The following LMAN1L variants were observed in gnomAD, a reference collection of about 807,000 sequenced individuals.
LMAN1L encodes lectin, mannose binding 1 like.
LMAN1L carries 60 observed loss-of-function variants against 58.3 expected under a neutral mutation model. That is an observed-to-expected ratio of 1.03 (90% CI 0.84 to 1.27). LMAN1L has a LOEUF of 1.27. Ranked by LOEUF, LMAN1L falls within the 50% of genes most tolerant of loss-of-function variation. The pLI, the probability that LMAN1L is intolerant of heterozygous loss-of-function variation, is 0.00. For synonymous variants in LMAN1L, 280 were observed against 271.6 expected (o/e 1.03, Z -0.31); for missense variants, 629 against 674.0 (o/e 0.93, Z 0.74).
intron 6 of LMAN1L, 162 bp downstream of exon 6, chr15:74,819,434 T>C (rs532731507): frequency 4.6e-6 from 4 of 878,476 alleles, no homozygotes; most frequent in Admixed American, 2.6e-5. Context: ...GACTTGCAAG[T>C]CTCAAATGGG....
At chr15:74,822,808 A>T (rs2063923349) in intron 11 of LMAN1L, 99 bp downstream of exon 11, 2 of 861,108 alleles carry the variant, frequency 2.3e-6, no homozygotes, top group East Asian at 5.1e-5. Flanking sequence ...AGCGCCCAGC[A>T]CACAGCCTGT....
intron 4 of LMAN1L, 141 bp downstream of exon 4, chr15:74,816,831 T>G: frequency 1.3e-6 from 1 of 778,620 alleles, no homozygotes; most frequent in South Asian, 1.9e-5. Context: ...ACTCTCTCAC[T>G]TAGCCGACGT....
Position 74,819,193 on chromosome 15 carries a change from G to C in LMAN1L, c.639G>C (p.Glu213Asp). The C allele has an allele frequency of 1.2e-6, 2 of 1,614,174 alleles. No individual in the cohort carries two copies. The highest frequency in any genetic ancestry group is 4.5e-5 in the East Asian group (2 of 44,880). ...GCCTCACTCCCAGTGATCCAGGTGA[G>C]TTCTGTGTGGATGTGGGGCCCCTGC... ...NSGLTPSDPG[E>D]FCVDVGPLLL... Residue 213 changes from glutamate to aspartate, a missense_variant, in exon 6 of 14, where the codon GAG becomes GAC. This residue lies in a region of LMAN1L where 573 missense variants were observed against 597.3 expected (regional missense o/e 0.96). Transcript: ENST00000309664.
At chr15:74,824,329 AC>A in intron 12 of LMAN1L, 21 bp from the exon 13 acceptor site, 1 of 1,612,588 alleles carries the variant, frequency 6.2e-7, no homozygotes, top group Non-Finnish European at 8.5e-7. Context: ...CTAAGCTAGG[AC>A]CTTAGACTTT....
intron 12 of LMAN1L, chr15:74,823,932 G>A (rs952642240): frequency 5.5e-6 from 3 of 550,394 alleles, no homozygotes; most frequent in South Asian, 4.5e-5. Flanking sequence ...GCAGGGCCCT[G>A]GACACCCCTC....
intron 12 of LMAN1L, 83 bp downstream of exon 12, chr15:74,823,765 C>T: frequency 2.0e-6 from 3 of 1,520,470 alleles, no homozygotes; most frequent in Non-Finnish European, 2.7e-6. Flanking sequence ...CTTCAGCAGC[C>T]CCAAGCCCTC....
At chr15:74,816,840 G>A (rs2063893818) in intron 4 of LMAN1L, 150 bp downstream of exon 4, 4 of 739,188 alleles carry the variant, frequency 5.4e-6, no homozygotes, top group Non-Finnish European at 8.6e-6. Context: ...CTTAGCCGAC[G>A]TCCGCCCCCC....
At position 74,821,908 on chromosome 15, in the gene LMAN1L, C is replaced by T; in HGVS notation, c.1131+8C>T. ...TCCATGTCACTCAATAAGGTAGGGA[C>T]CCAAACACTGGGTGTTGACCAGCAC... On this transcript the variant is annotated splice_region_variant and intron_variant, in intron 10 of 13. Transcript: ENST00000309664. 3.1e-6 allele frequency: 5 copies of T among 1,593,906 alleles called. No individual in the cohort carries two copies. The highest frequency in any genetic ancestry group is 4.3e-6 in the Non-Finnish European group (5 of 1,162,080).
At chr15:74,822,800 C>T (rs751301900) in intron 11 of LMAN1L, 91 bp downstream of exon 11, 78 of 952,064 alleles carry the variant, frequency 8.2e-5, no homozygotes, top group Non-Finnish European at 1.1e-4. Context: ...ATTTCCTGAG[C>T]GCCCAGCACA....
At chr15:74,819,969 C>T (rs1405353917) in intron 6 of LMAN1L, 75 bp from the exon 7 acceptor site, 19 of 1,365,494 alleles carry the variant, frequency 1.4e-5, no homozygotes, top group African/African-American at 2.9e-5. Flanking sequence ...GATATCATGG[C>T]GGTTAGGGTG....
chr15:74,814,970 A>C (rs12441505), intron 1 of LMAN1L, among the ~76,000 whole-genome samples: 100,180 of 152,156 alleles, frequency 0.66, 33,378 homozygotes, highest in Middle Eastern at 0.72. Flanking sequence ...ACTCACTGCT[A>C]TGGGCCTTGC....
chr15:74,820,633 A>T lies in LMAN1L; in HGVS notation c.775-2A>T. 1 of 1,613,704 alleles carries T rather than the reference A, an allele frequency of 6.2e-7. No individual in the cohort carries two copies. Among genetic ancestry groups the T allele is most frequent in the Non-Finnish European group, 8.5e-7 (1 of 1,179,946 alleles). On this transcript the variant is annotated splice_acceptor_variant, in intron 7 of 13. Transcript: ENST00000309664. LOFTEE classifies it high-confidence loss of function. Reference sequence around the variant, plus strand: ...GCCCGACTTTCTGTCTTCCTCCCCTAGGTTCCCCCTCAGCCCTTCCTGGAG... The same window carrying T: ...GCCCGACTTTCTGTCTTCCTCCCCTTGGTTCCCCCTCAGCCCTTCCTGGAG...
intron 10 of LMAN1L, 25 bp from the exon 11 acceptor site, chr15:74,822,617 T>C (rs748256666): frequency 6.2e-7 from 1 of 1,606,004 alleles, no homozygotes; most frequent in Non-Finnish European, 8.5e-7. Context: ...TCCTGGGCCC[T>C]AGACAAGAGG....
Position 74,819,274 on chromosome 15 carries a change from T to G in LMAN1L, c.718+2T>G. On this transcript the variant is annotated splice_donor_variant, in intron 6 of 13. Coordinates refer to ENST00000309664, the MANE Select transcript of LMAN1L (RefSeq NM_021819.3). LOFTEE classifies it high-confidence loss of function. ...CAGCAGCCACCGGCACCCTGGCAGG[T>G]GAGGATCCCACTGGACAGGTAAGAG... 6.2e-7 allele frequency: 1 copy of G among 1,613,894 alleles called. No homozygotes were observed. The highest frequency in any genetic ancestry group is 8.5e-7 in the Non-Finnish European group (1 of 1,179,902).
chr15:74,820,930 C>A (rs1360773704), intron 8 of LMAN1L, 145 bp from the exon 9 acceptor site: 3 of 1,320,166 alleles, frequency 2.3e-6, no homozygotes, highest in African/African-American at 3.0e-5. Context: ...CACCTTACCA[C>A]TCAGACTCAT....
Position 74,818,825 on chromosome 15 carries a change from A to G in LMAN1L, c.597+8A>G, listed in dbSNP as rs1403148365. 7 of 1,599,146 alleles carry G rather than the reference A, an allele frequency of 4.4e-6. No individual in the cohort carries two copies. Among genetic ancestry groups the G allele is most frequent in the South Asian group, 1.1e-5 (1 of 88,768 alleles). ...TGGGGGCAGAGGCTGCGCGTGAGTC[A>G]CCCTTCCTGCTTCTGACAGGGCTCT... On this transcript the variant is annotated splice_region_variant and intron_variant, in intron 5 of 13. Coordinates refer to ENST00000309664, the MANE Select transcript of LMAN1L (RefSeq NM_021819.3).
At chr15:74,825,080 T>C (rs1295648816) in intron 13 of LMAN1L, 1 of 168,938 alleles carries the variant, frequency 5.9e-6, no homozygotes, top group Non-Finnish European at 1.3e-5. Flanking sequence ...GTGCACCGTT[T>C]AGAGATGTGG....
At chr15:74,819,858 C>T (rs1480979412) in intron 6 of LMAN1L, 186 bp from the exon 7 acceptor site, 5 of 646,968 alleles carry the variant, frequency 7.7e-6, no homozygotes, top group Non-Finnish European at 1.4e-5. Flanking sequence ...GTTCAACCCT[C>T]ACCACCCACC....
In LMAN1L at chr15:74,814,372, G is replaced by GTTTTTTTT. The variant is rs1331712044; in HGVS notation, c.175+1348_175+1349insTTTTTTTT. ...CCACACGCAGCTAATTTTTGTTTTT[G>GTTTTTTTT]TTTTTGTTTTTTTTTTTTTGAGACG... On this transcript the variant is annotated intron_variant, in intron 1 of 13. Transcript: ENST00000309664. Among the ~76,000 whole-genome samples, 69 of 109,472 alleles carry GTTTTTTTT rather than the reference G, an allele frequency of 6.3e-4. 8 individuals are homozygous for GTTTTTTTT. The highest frequency in any genetic ancestry group is 9.2e-4 in the Non-Finnish European group (50 of 54,280). The allele number at this position is 109,472 out of a possible 152,430, so 71.8% of individuals were successfully genotyped here. A position where few individuals can be genotyped will look rare whatever the true frequency, so the allele number is the denominator to read the frequency against.
Sources: gnomAD v4.1 joint callset for allele counts (sites outside exome capture counted in the v4.1 genomes callset) on GRCh38, gnomAD v4.1.1 for gene constraint, gnomAD v4.1.1 regional missense constraint, MANE v1.5 for transcripts, NCBI Gene and HGNC (gene_info 2026-07-23, HGNC 2026-07-21) for gene names.